Variants in CELF2 observed in about 807,000 individuals in gnomAD.
CELF2 encodes CUG triplet repeat RNA-binding protein 2.
In CELF2, 8 loss-of-function variants were observed where a neutral mutation model predicts 62.6. That is an observed-to-expected ratio of 0.13 (90% CI 0.07 to 0.23). The LOEUF (loss-of-function observed/expected upper bound fraction) is 0.23. CELF2 is among the 10% of genes least tolerant of loss of function. CELF2 has a pLI of 1.00. For missense variants in CELF2, 333 were observed against 671.0 expected, an observed-to-expected ratio of 0.50 and a Z score of 5.56; for synonymous variants, 258 against 250.0, an observed-to-expected ratio of 1.03 and a Z score of -0.30.
chr10:10,782,950 C>T, the CELF2 span, among the ~76,000 whole-genome samples: 4 of 152,252 alleles, frequency 2.6e-5, no homozygotes, highest in East Asian at 1.9e-4. Flanking sequence ...TTTAATTAAA[C>T]GTTCTGACTA....
the CELF2 span, among the ~76,000 whole-genome samples, chr10:10,587,572 A>G: frequency 6.6e-6 from 1 of 152,078 alleles, no homozygotes; most frequent in Non-Finnish European, 1.5e-5. Flanking sequence ...CATAAAATAA[A>G]CATCTTTAAC....
chr10:10,897,369 CTT>C (rs997299816), intron 1 of CELF2, among the ~76,000 whole-genome samples: 2 of 151,936 alleles, frequency 1.3e-5, no homozygotes, highest in African/African-American at 4.8e-5. Context: ...TAGCAACAAA[CTT>C]GGGAATTTAG....
the CELF2 span, among the ~76,000 whole-genome samples, chr10:10,560,685 A>G: frequency 1.7e-3 from 249 of 145,870 alleles, no homozygotes; most frequent in African/African-American, 4.1e-3. Flanking sequence ...CCCAGAGGGG[A>G]AAAAAAAATC....
At chr10:10,868,344 T>C (rs1238103382) in intron 1 of CELF2, among the ~76,000 whole-genome samples, 2 of 152,210 alleles carry the variant, frequency 1.3e-5, no homozygotes, top group African/African-American at 4.8e-5. Context: ...GCTCAGCTGC[T>C]TGTGACTCGA....
chr10:10,504,943 A>G, the CELF2 span, among the ~76,000 whole-genome samples: 1 of 151,986 alleles, frequency 6.6e-6, no homozygotes, highest in Non-Finnish European at 1.5e-5. Flanking sequence ...TGCTTCAAGT[A>G]TGTTTGTAAT....
At chr10:10,720,206 C>A in the CELF2 span, among the ~76,000 whole-genome samples, 1 of 152,304 alleles carries the variant, frequency 6.6e-6, no homozygotes, top group South Asian at 2.1e-4. Flanking sequence ...GATATTAAAT[C>A]TACTTATCTC....
At chr10:10,502,529 T>G in the CELF2 span, among the ~76,000 whole-genome samples, 1 of 152,018 alleles carries the variant, frequency 6.6e-6, no homozygotes, top group Non-Finnish European at 1.5e-5. Flanking sequence ...ATTCATTTCA[T>G]CATATGTGTC....
chr10:11,045,383 G>C (rs1297137553), intron 1 of CELF2, among the ~76,000 whole-genome samples: 3 of 152,154 alleles, frequency 2.0e-5, no homozygotes, highest in Non-Finnish European at 4.4e-5. Flanking sequence ...GATTACAGGA[G>C]TGAGCCACTG....
the CELF2 span, among the ~76,000 whole-genome samples, chr10:10,688,389 A>C: frequency 1.3e-5 from 2 of 152,206 alleles, no homozygotes; most frequent in Non-Finnish European, 2.9e-5. Context: ...GTCAGAAAGA[A>C]AGATGCTAAC....
At chr10:10,902,802 T>A in intron 1 of CELF2, among the ~76,000 whole-genome samples, 1 of 109,990 alleles carries the variant, frequency 9.1e-6, no homozygotes, top group Non-Finnish European at 1.9e-5. Context: ...GGAGAGGAAG[T>A]GAGGAAGGAA....
chr10:10,481,348 C>T, the CELF2 span, among the ~76,000 whole-genome samples: 3 of 152,138 alleles, frequency 2.0e-5, no homozygotes, highest in African/African-American at 7.2e-5. Context: ...CTTTGTTTTC[C>T]ATCATGTACC....
the CELF2 span, among the ~76,000 whole-genome samples, chr10:10,515,745 A>C: frequency 6.6e-6 from 1 of 152,214 alleles, no homozygotes; most frequent in Admixed American, 6.5e-5. Flanking sequence ...CTGTATCGCC[A>C]TTTAGTAGGC....
At chr10:11,284,915 G>T (rs1006206764) in intron 8 of CELF2, among the ~76,000 whole-genome samples, 1 of 149,736 alleles carries the variant, frequency 6.7e-6, no homozygotes, top group African/African-American at 2.5e-5. Context: ...TGGTTGGATG[G>T]TGGTTAGATG....
chr10:10,944,505 T>C (rs1193799618), intron 2 of CELF2, among the ~76,000 whole-genome samples: 2 of 152,144 alleles, frequency 1.3e-5, no homozygotes, highest in African/African-American at 4.8e-5. Flanking sequence ...AGGAACTTCA[T>C]TTCATTTAAG....
chr10:11,181,788 G>A lies in CELF2; in HGVS notation c.271+16106G>A, dbSNP rs140792413. On this transcript the variant is annotated intron_variant, in intron 2 of 12. Transcript: ENST00000633077. ...TATAGGACCTCATCGAACTTAGTAC[G>A]GTGCCTTAAAACAGTGAAGAACATT... is the stretch of plus-strand genomic sequence containing the variant. 3.2e-3 allele frequency among the ~76,000 whole-genome samples: 486 copies of A among 152,284 alleles called. 3 individuals carry two copies. The highest frequency in any genetic ancestry group is 0.011 in the African/African-American group (445 of 41,562).
chr10:11,231,646 G>GA (rs11384558), intron 3 of CELF2, among the ~76,000 whole-genome samples: 108,534 of 145,340 alleles, frequency 0.75, 41,710 homozygotes, highest in Non-Finnish European at 0.86. Flanking sequence ...TAACTCTTCA[G>GA]AAAAAAAAAA....
At position 11,117,944 on chromosome 10, in the gene CELF2, C is replaced by T. The variant is rs927013240; in HGVS notation, c.75-47542C>T. On this transcript the variant is annotated intron_variant, in intron 1 of 12. Transcript: ENST00000633077. The surrounding 1 kb of genome is among the most constrained non-coding windows in gnomAD (Gnocchi z 4.1). ...AGAATGCTTTGAATGCATTCTGCCTCAAAAGGCATTTTGCTCTAATGGCTG... is the reference window on the plus strand; with the variant it reads ...AGAATGCTTTGAATGCATTCTGCCTTAAAAGGCATTTTGCTCTAATGGCTG... Among the ~76,000 whole-genome samples, 14 of 152,150 alleles carry T rather than the reference C, an allele frequency of 9.2e-5. No individual in the cohort carries two copies. The highest frequency in any genetic ancestry group is 7.9e-4 in the Admixed American group (12 of 15,282).
the CELF2 span, among the ~76,000 whole-genome samples, chr10:10,760,268 C>G: frequency 3.3e-5 from 5 of 152,138 alleles, no homozygotes; most frequent in African/African-American, 1.2e-4. Flanking sequence ...CTAGACCTCT[C>G]TGTCCTACCC....
the CELF2 span, among the ~76,000 whole-genome samples, chr10:10,538,644 C>T: frequency 1.3e-5 from 2 of 152,092 alleles, no homozygotes. Flanking sequence ...AATTTCCAGC[C>T]CCAAACATAC....
Sources: allele counts gnomAD v4.1 joint callset (sites outside exome capture counted in the v4.1 genomes callset), GRCh38; gene constraint gnomAD v4.1.1; non-coding constraint Gnocchi (gnomAD v3.1); transcripts MANE v1.5; gene names NCBI Gene and HGNC (gene_info 2026-07-23, HGNC 2026-07-21).